FLT1: variants seen among roughly 807,000 people sequenced by gnomAD.
The protein encoded by FLT1 is fms related receptor tyrosine kinase 1.
A neutral mutation model predicts 156.3 loss-of-function variants in FLT1; 49 were observed. The observed-to-expected ratio is 0.31, with a 90% confidence interval of 0.25 to 0.40. FLT1 has a LOEUF of 0.40. Among genes scored for constraint, FLT1 ranks in the 10% least tolerant of loss-of-function variants. FLT1 has a pLI of 1.00. For synonymous variants in FLT1, 594 were observed against 583.8 expected (o/e 1.02, Z -0.25); for missense variants, 1,322 against 1,637.2 (o/e 0.81, Z 3.32).
intron 15 of FLT1, among the ~76,000 whole-genome samples, chr13:28,348,037 C>A (rs1326314341): frequency 6.6e-6 from 1 of 152,178 alleles, no homozygotes; most frequent in Non-Finnish European, 1.5e-5. Flanking sequence ...ATAGTCCCCG[C>A]CACAAAGTTA....
chr13:28,463,664 G>T (rs1268172607), intron 3 of FLT1, among the ~76,000 whole-genome samples: 1 of 152,172 alleles, frequency 6.6e-6, no homozygotes, highest in Non-Finnish European at 1.5e-5. Flanking sequence ...TTAGGAAATG[G>T]TTGGAGTTTT....
chr13:28,474,527 C>CACACAGACACACA (rs1555245783), intron 1 of FLT1, among the ~76,000 whole-genome samples: 1 of 143,620 alleles, frequency 7.0e-6, no homozygotes, highest in Non-Finnish European at 1.5e-5. Flanking sequence ...CACACACAAA[C>CACACAGACACACA]CCCACAAATC....
At chr13:28,316,511 G>C (rs1871210925) in intron 25 of FLT1, among the ~76,000 whole-genome samples, 1 of 152,062 alleles carries the variant, frequency 6.6e-6, no homozygotes, top group African/African-American at 2.4e-5. Context: ...CAAAGCCCCA[G>C]GAAAAAAAGT....
intron 14 of FLT1, among the ~76,000 whole-genome samples, chr13:28,359,211 C>A (rs905649308): frequency 2.6e-5 from 4 of 152,144 alleles, no homozygotes; most frequent in African/African-American, 9.7e-5. Context: ...ATGGAATAGG[C>A]AAGGGCCCAG....
chr13:28,342,835 C>G (rs764373341), intron 16 of FLT1, among the ~76,000 whole-genome samples: 2 of 152,166 alleles, frequency 1.3e-5, no homozygotes, highest in Admixed American at 6.5e-5. Context: ...AAGGGCTAAT[C>G]TCTAGAAATT....
At chr13:28,373,359 A>G (rs556632720) in intron 14 of FLT1, among the ~76,000 whole-genome samples, 17 of 152,112 alleles carry the variant, frequency 1.1e-4, no homozygotes, top group Non-Finnish European at 2.5e-4. Context: ...TTGAATGGGG[A>G]GGTGAACTTT....
chr13:28,405,034 A>C (rs9554327), intron 11 of FLT1, among the ~76,000 whole-genome samples: 1 of 149,054 alleles, frequency 6.7e-6, no homozygotes, highest in African/African-American at 2.4e-5. Flanking sequence ...AAAAAAAAAA[A>C]AAGAAAAGAA....
intron 10 of FLT1, among the ~76,000 whole-genome samples, chr13:28,408,495 C>G (rs1011917480): frequency 1.2e-4 from 19 of 152,266 alleles, no homozygotes; most frequent in African/African-American, 3.4e-4. Context: ...AGAAGCCTTA[C>G]TATATAACAG....
At chr13:28,417,014 C>T (rs748452753) in intron 10 of FLT1, among the ~76,000 whole-genome samples, 39 of 152,240 alleles carry the variant, frequency 2.6e-4, no homozygotes, top group Non-Finnish European at 3.4e-4. Flanking sequence ...AGATACAGTG[C>T]GCATACTGCA....
chr13:28,411,343 G>T (rs1321099140), intron 10 of FLT1, among the ~76,000 whole-genome samples: 1 of 151,414 alleles, frequency 6.6e-6, no homozygotes, highest in Non-Finnish European at 1.5e-5. Context: ...ACCTGAGGTT[G>T]GGAGTTCGAG....
rs2138851341 is a variant in FLT1, at chr13:28,339,153, G to A, written c.2488+15C>T. 6.2e-7 allele frequency: 1 copy of A among 1,612,950 alleles called. No individual in the cohort carries two copies. Among genetic ancestry groups the A allele is most frequent in the Non-Finnish European group, 8.5e-7 (1 of 1,179,056 alleles). The stretch of plus-strand genomic sequence containing the variant: ...CTCAGTATAGGTTTATGAATCTGTT[G>A]AACAAATATCTTACCCAGTTTAAGT... On this transcript the variant is annotated intron_variant, in intron 17 of 29. Coordinates refer to ENST00000282397, the MANE Select transcript of FLT1 (RefSeq NM_002019.4).
chr13:28,319,733 C>G (rs7981680), intron 23 of FLT1, among the ~76,000 whole-genome samples, 199 bp from the exon 24 acceptor site: 26,593 of 152,112 alleles, frequency 0.17, 7,339 homozygotes, highest in African/African-American at 0.59. Context: ...TACTGAGTCC[C>G]ATGAAGGCAG....
At chr13:28,323,966 C>G (rs924240591) in intron 20 of FLT1, among the ~76,000 whole-genome samples, 3 of 152,174 alleles carry the variant, frequency 2.0e-5, no homozygotes, top group African/African-American at 7.2e-5. Flanking sequence ...ACTGCACATC[C>G]AAGCCCTGGT....
chr13:28,316,305 T>C (rs563689075), intron 25 of FLT1, among the ~76,000 whole-genome samples: 2 of 152,358 alleles, frequency 1.3e-5, no homozygotes, highest in East Asian at 3.9e-4. Flanking sequence ...CCACACTTCC[T>C]GCATTCCCTC....
chr13:28,434,442 T>C (rs1197033641), intron 4 of FLT1, among the ~76,000 whole-genome samples: 1 of 152,242 alleles, frequency 6.6e-6, no homozygotes, highest in Non-Finnish European at 1.5e-5. Context: ...TAAATTATAG[T>C]AATTATGATA....
At chr13:28,430,414 G>A (rs970558706) in intron 7 of FLT1, among the ~76,000 whole-genome samples, 16 of 152,190 alleles carry the variant, frequency 1.1e-4, no homozygotes, top group African/African-American at 3.4e-4. Flanking sequence ...GCAACAGAAA[G>A]TGAAACACCT....
intron 29 of FLT1, among the ~76,000 whole-genome samples, chr13:28,305,578 C>T (rs1391088575): frequency 6.6e-6 from 1 of 152,178 alleles, no homozygotes; most frequent in East Asian, 1.9e-4. Flanking sequence ...TACTCACTGG[C>T]CATGCCCACC....
At chr13:28,401,600 G>A (rs943876876) in intron 11 of FLT1, among the ~76,000 whole-genome samples, 8 of 152,314 alleles carry the variant, frequency 5.3e-5, no homozygotes, top group East Asian at 1.9e-4. Flanking sequence ...ATCTCGGGAT[G>A]TTTCTAATAT....
intron 13 of FLT1, chr13:28,387,628 A>T: frequency 1.9e-6 from 2 of 1,065,040 alleles, no homozygotes; most frequent in Non-Finnish European, 2.3e-6. Flanking sequence ...CTCCGTTTGG[A>T]ATGGGGACTG....
Sources: gnomAD v4.1 joint callset for allele counts (sites outside exome capture counted in the v4.1 genomes callset) on GRCh38, gnomAD v4.1.1 for gene constraint, MANE v1.5 for transcripts, NCBI Gene and HGNC (gene_info 2026-07-23, HGNC 2026-07-21) for gene names.